Variants in PASD1 observed in about 807,000 individuals in gnomAD.
The protein encoded by PASD1 is circadian clock protein PASD1.
Under a neutral mutation model 58.8 loss-of-function variants are expected in PASD1, and 13 were observed. That is an observed-to-expected ratio of 0.22 (90% CI 0.14 to 0.35). The LOEUF (loss-of-function observed/expected upper bound fraction) is 0.35. Ranked by LOEUF, PASD1 falls within the 10% of genes least tolerant of loss-of-function variation. PASD1 has a pLI of 1.00. For missense variants in PASD1, 734 were observed against 568.3 expected (o/e 1.29, Z -2.96); for synonymous variants, 236 against 216.7 (o/e 1.09, Z -0.78).
intron 8 of PASD1, among the ~76,000 whole-genome samples, chrX:151,636,576 G>T (rs1602946926): frequency 9.1e-6 from 1 of 110,491 alleles, no homozygotes; most frequent in East Asian, 2.9e-4. Context: ...GCTAAATTTT[G>T]TATTTTTAGT....
At chrX:151,648,546 A>G in intron 8 of PASD1, 69 bp from the exon 9 acceptor site, 1 of 982,555 alleles carries the variant, frequency 1.0e-6, no homozygotes, top group Non-Finnish European at 1.4e-6. Context: ...TTTTTATTGT[A>G]TGATAGAAAA....
chrX:151,571,423 G>T (rs995023859), intron 1 of PASD1, among the ~76,000 whole-genome samples: 5 of 111,155 alleles, frequency 4.5e-5, no homozygotes, highest in African/African-American at 1.6e-4. Context: ...CTCTCTCCTT[G>T]GTGCTGTGTT....
chrX:151,583,363 C>G (rs1347734536), intron 1 of PASD1, among the ~76,000 whole-genome samples: 4 of 111,821 alleles, frequency 3.6e-5, no homozygotes, highest in Non-Finnish European at 7.5e-5. Flanking sequence ...TGCTATAAAT[C>G]TAAATTCACT....
At chrX:151,658,467 TAA>T (rs1342540960) in intron 9 of PASD1, among the ~76,000 whole-genome samples, 8 of 112,299 alleles carry the variant, frequency 7.1e-5, no homozygotes, top group Non-Finnish European at 1.1e-4. Flanking sequence ...TTTGAGAATA[TAA>T]GTTTATGTTG....
At chrX:151,654,672 C>A (rs1228292605) in intron 9 of PASD1, among the ~76,000 whole-genome samples, 1 of 111,312 alleles carries the variant, frequency 9.0e-6, no homozygotes, top group Non-Finnish European at 1.9e-5. Flanking sequence ...AGAGTTAGGA[C>A]CTGTAGGTCA....
At chrX:151,614,282 G>C (rs2013609567) in intron 4 of PASD1, among the ~76,000 whole-genome samples, 1 of 111,647 alleles carries the variant, frequency 9.0e-6, no homozygotes, top group African/African-American at 3.3e-5. Context: ...ACCATGCCCA[G>C]CCTAGGGGTT....
chrX:151,614,440 C>G (rs1410997217), intron 4 of PASD1, among the ~76,000 whole-genome samples: 1 of 111,862 alleles, frequency 8.9e-6, no homozygotes, highest in African/African-American at 3.3e-5. Flanking sequence ...TCATATTCCA[C>G]TTATACGTGT....
intron 8 of PASD1, among the ~76,000 whole-genome samples, chrX:151,628,438 C>T (rs1419052971): frequency 8.9e-6 from 1 of 112,109 alleles, no homozygotes; most frequent in Non-Finnish European, 1.9e-5. Flanking sequence ...AGCCAGTTTT[C>T]CCAGCACCAT....
intron 4 of PASD1, among the ~76,000 whole-genome samples, chrX:151,618,168 A>C (rs1326709392): frequency 8.9e-6 from 1 of 112,064 alleles, no homozygotes; most frequent in Non-Finnish European, 1.9e-5. Flanking sequence ...TGCTAGATTA[A>C]GGTAATATTT....
rs1333309175 is a variant in PASD1 at position 151,571,324 on chromosome X, C to G, written c.-28+7485C>G. ...TTTTCCAGTTCCTTTCTAGTTTCCTCCCTGATCCTGAGCTGCTTTGTTTTT... is the reference window on the plus strand; with the variant it reads ...TTTTCCAGTTCCTTTCTAGTTTCCTGCCTGATCCTGAGCTGCTTTGTTTTT... On this transcript the variant is annotated intron_variant, in intron 1 of 15. Transcript: ENST00000370357. 2.7e-5 allele frequency among the ~76,000 whole-genome samples: 3 copies of G among 111,672 alleles called. No individual in the cohort carries two copies. In the East Asian group the frequency reaches 8.4e-4, roughly 31 times the overall value.
At chrX:151,617,208 A>G (rs1355962960) in intron 4 of PASD1, among the ~76,000 whole-genome samples, 2 of 111,628 alleles carry the variant, frequency 1.8e-5, no homozygotes, top group Admixed American at 9.6e-5. Flanking sequence ...AGAAGAGCAA[A>G]TGCTAAAAAT....
rs189719764 is a variant in PASD1 at position 151,673,725 on chromosome X, T to G, written c.1917-203T>G. Reference sequence around the variant, plus strand: ...AATAAAACCAGGTGAGACAAGGGATTGTAATTTCTCTCAGTGTCTACATTC... The same window carrying G: ...AATAAAACCAGGTGAGACAAGGGATGGTAATTTCTCTCAGTGTCTACATTC... On this transcript the variant is annotated intron_variant, in intron 14 of 15. Transcript: ENST00000370357. 81 of 455,860 alleles carry G rather than the reference T, an allele frequency of 1.8e-4. No individual in the cohort carries two copies. In the East Asian group the frequency reaches 2.9e-3, roughly 16 times the overall value. The allele number at this position is 455,860 out of a possible 1,213,427, so 37.6% of individuals were successfully genotyped here. A position where few individuals can be genotyped will look rare whatever the true frequency, so the allele number is the denominator to read the frequency against.
chrX:151,647,544 T>C (rs1000569755), intron 8 of PASD1, among the ~76,000 whole-genome samples: 4 of 109,380 alleles, frequency 3.7e-5, no homozygotes, highest in African/African-American at 1.3e-4. Flanking sequence ...TAATTAAATA[T>C]ATACTTTTTA....
chrX:151,621,028 A>C lies in PASD1; in HGVS notation c.306A>C (p.Ser102=). The change falls in exon 5 of 16, where the codon TCA becomes TCC. Residue 102 remains serine, a splice_region_variant and synonymous_variant. Transcript: ENST00000370357. ...TTCTCAAATTTCCTTTACTAAACTC[A>C]GGTATGTATATTTTTAAAAGTAGTA... ...KIILKFPLLN[S]ETHIEFCCHL... is the part of the protein sequence containing the mutation. The C allele has an allele frequency of 8.7e-7, 1 of 1,152,807 alleles. No homozygotes were observed. Among genetic ancestry groups the C allele is most frequent in the South Asian group, 1.9e-5 (1 of 51,796 alleles).
At chrX:151,611,520 A>G in intron 3 of PASD1, 144 bp from the exon 4 acceptor site, 1 of 387,001 alleles carries the variant, frequency 2.6e-6, no homozygotes, top group Non-Finnish European at 4.4e-6. Context: ...TGGAATTTTA[A>G]TTAAGTCTGT....
rs142640477 is a variant in PASD1 at position 151,676,088 on chromosome X, C to T, written c.2267C>T (p.Ala756Val). The change falls in exon 16 of 16, where the codon GCG becomes GTG. Residue 756 changes from alanine (A) to valine (V), a missense_variant. Coordinates refer to ENST00000370357, the MANE Select transcript of PASD1 (RefSeq NM_173493.3). Reference sequence around the variant, plus strand: ...TACCAGCCAGACCAGATGAGATCTGCGGAGCAGACCAGATTGATGCCTGCA... The same window carrying T: ...TACCAGCCAGACCAGATGAGATCTGTGGAGCAGACCAGATTGATGCCTGCA... ...AAYQPDQMRS[A>V]EQTRLMPAEQ... 1.4e-3 allele frequency: 1,643 copies of T among 1,208,739 alleles called. 16 individuals carry two copies. In the African/African-American group the frequency reaches 0.025, roughly 19 times the overall value.
Position 151,625,318 on chromosome X carries a change from G to A in PASD1, c.547-130G>A, listed in dbSNP as rs2013769392. The A allele has an allele frequency of 6.6e-6, 3 of 455,287 alleles. No homozygotes were observed. The Admixed American group carries it at 1.2e-4, about 18-fold the overall frequency. 37.5% of individuals were successfully genotyped at this position (455,287 alleles called of 1,213,427 possible). ...GTTTTCAAATCTGTAAAACTCCAGT[G>A]CATTTCTCACATTGATATGCAGATT... On this transcript the variant is annotated intron_variant, in intron 7 of 15. Transcript: ENST00000370357.
At chrX:151,564,202 C>T (rs753855071) in intron 1 of PASD1, among the ~76,000 whole-genome samples, 50 of 112,852 alleles carry the variant, frequency 4.4e-4, no homozygotes, top group Non-Finnish European at 8.1e-4. Context: ...GCGAATAGGC[C>T]GGTCTGAGCG....
At chrX:151,568,903 C>T (rs1443944265) in intron 1 of PASD1, among the ~76,000 whole-genome samples, 1 of 111,126 alleles carries the variant, frequency 9.0e-6, no homozygotes, top group Non-Finnish European at 1.9e-5. Flanking sequence ...TGGCCATATG[C>T]GGTAGGGAGG....
Sources: allele counts gnomAD v4.1 joint callset (sites outside exome capture counted in the v4.1 genomes callset), GRCh38; gene constraint gnomAD v4.1.1; transcripts MANE v1.5; gene names NCBI Gene and HGNC (gene_info 2026-07-23, HGNC 2026-07-21).